Variants in DHCR7 observed in about 807,000 individuals in gnomAD.
DHCR7 encodes the protein 7-DHC reductase.
A neutral mutation model predicts 43.3 loss-of-function variants in DHCR7; 40 were observed. The observed-to-expected ratio is 0.92, with a 90% CI of 0.72 to 1.20. The LOEUF is 1.20. Ranked by LOEUF, DHCR7 falls within the 50% of genes most tolerant of loss-of-function variation. DHCR7 has a pLI of 0.00. For missense variants in DHCR7, 608 were observed against 644.6 expected (o/e 0.94, Z 0.62); for synonymous variants, 298 against 271.4 (o/e 1.10, Z -0.96).
At chr11:71,445,654 C>A (rs1026637338) in intron 2 of DHCR7, among the ~76,000 whole-genome samples, 1 of 152,134 alleles carries the variant, frequency 6.6e-6, no homozygotes, top group Non-Finnish European at 1.5e-5. Context: ...CCATGTAGGA[C>A]CATCAATAAT....
At chr11:71,438,535 C>T (rs1036548183) in intron 7 of DHCR7, among the ~76,000 whole-genome samples, 7 of 152,128 alleles carry the variant, frequency 4.6e-5, no homozygotes, top group African/African-American at 1.7e-4. Context: ...CCCTCTCTCC[C>T]TACAGGGGGT....
At chr11:71,446,077 T>C (rs1949400200) in intron 2 of DHCR7, among the ~76,000 whole-genome samples, 1 of 152,086 alleles carries the variant, frequency 6.6e-6, no homozygotes, top group Non-Finnish European at 1.5e-5. Context: ...AGGACAGCTA[T>C]GCAGCAGGAC....
Position 71,435,614 on chromosome 11 carries a change from A to ACAC in DHCR7, c.1186_1188dup (p.Val396dup). The ACAC allele has an allele frequency of 6.2e-7, 1 of 1,610,144 alleles. No homozygotes were observed. Among genetic ancestry groups the ACAC allele is most frequent in the Non-Finnish European group, 8.5e-7 (1 of 1,179,750 alleles). Reference sequence around the variant, plus strand: ...TGGCGGGCCACGCCCCAGAAGCCCGACACCAGCAGCTTGCTGTGGTGCCTC... The same window carrying ACAC: ...TGGCGGGCCACGCCCCAGAAGCCCGACACCACCAGCAGCTTGCTGTGGTGCCTC... On this transcript the variant is annotated inframe_insertion, in exon 9 of 9. Coordinates refer to ENST00000355527, the MANE Select transcript of DHCR7 (RefSeq NM_001360.3).
chr11:71,431,984 C>T (rs1949230599), downstream of DHCR7, among the ~76,000 whole-genome samples: 2 of 152,150 alleles, frequency 1.3e-5, no homozygotes, highest in Admixed American at 1.3e-4. Flanking sequence ...CCACCATGCC[C>T]AACTAATTTT....
exon 3 of DHCR7, chr11:71,428,719 C>A: frequency 4.8e-6 from 2 of 412,840 alleles, no homozygotes; most frequent in South Asian, 1.7e-5. Context: ...CAGCTCCCTG[C>A]AGTCCTGTCC....
chr11:71,441,237 C>A lies in DHCR7; in HGVS notation c.616G>T (p.Ala206Ser). ...CTGCTAAGAACATACCAGTCTCTGGCGCTGGTGGGGAAGAAGTAGCCCTTG... is the reference window on the plus strand; with the variant it reads ...CTGCTAAGAACATACCAGTCTCTGGAGCTGGTGGGGAAGAAGTAGCCCTTG... ...MVKGYFFPTS[A>S]RDCKFTGNFF... Residue 206 changes from alanine to serine, a missense_variant, in exon 6 of 9, where the codon GCC becomes TCC. By Grantham distance (99) the Ala-to-Ser change is moderately conservative. Coordinates refer to ENST00000355527, the MANE Select transcript of DHCR7 (RefSeq NM_001360.3). 1 of 1,614,152 alleles carries A rather than the reference C, an allele frequency of 6.2e-7. No individual in the cohort carries two copies.
At position 71,441,401 on chromosome 11, in the gene DHCR7, C is replaced by A; in HGVS notation, c.452G>T (p.Trp151Leu). 6.2e-7 allele frequency: 1 copy of A among 1,614,034 alleles called. No homozygotes were observed. Among genetic ancestry groups the A allele is most frequent in the Non-Finnish European group, 8.5e-7 (1 of 1,179,918 alleles). Residue 151 changes from tryptophan to leucine, a missense_variant, in exon 6 of 9, where the codon TGG (tryptophan) becomes TTG (leucine). Transcript: ENST00000355527. ...AAACCAGAGCAGGTGCGTGAGGAGC[C>A]AGGCTTGCAGGCCATTGATCTGATA... ...NKYQINGLQA[W>L]LLTHLLWFAN...
Position 71,435,364 on chromosome 11 carries a change from A to C in DHCR7, c.*11T>G, listed in dbSNP as rs1261841295. 1.9e-6 allele frequency: 3 copies of C among 1,610,682 alleles called. No homozygotes were observed. The highest frequency in any genetic ancestry group is 2.5e-6 in the Non-Finnish European group (3 of 1,179,728). On this transcript the variant is annotated 3_prime_UTR_variant, in exon 9 of 9. Transcript: ENST00000355527. ...TGACAGCCCCACAGGGCTTCTCCCT[A>C]GGGCGTGCCCTTAGAAGATTCCAGG...
At chr11:71,445,036 C>T in intron 2 of DHCR7, 78 bp from the exon 3 acceptor site, 3 of 1,290,692 alleles carry the variant, frequency 2.3e-6, no homozygotes, top group Non-Finnish European at 2.3e-6. Context: ...CACCACTGCT[C>T]CTGGGCCTGG....
chr11:71,436,096 T>C (rs1949277411), intron 8 of DHCR7: 1 of 492,640 alleles, frequency 2.0e-6, no homozygotes, highest in Non-Finnish European at 3.6e-6. Context: ...ATATGACATA[T>C]AGCATAAACA....
At chr11:71,428,632 T>G (rs1949212548) in exon 3 of DHCR7, 1 of 335,230 alleles carries the variant, frequency 3.0e-6, no homozygotes, top group Admixed American at 4.5e-5. Flanking sequence ...TGTGTGGGCA[T>G]AGGACCACCA....
chr11:71,444,727 C>T (rs1427875138), intron 3 of DHCR7, 128 bp downstream of exon 3: 4 of 782,498 alleles, frequency 5.1e-6, no homozygotes, highest in Non-Finnish European at 8.6e-6. Context: ...TTTCATTAGT[C>T]TTGACAAAAA....
In DHCR7 at chr11:71,435,856, A is replaced by G; in HGVS notation, c.964-17T>C. On this transcript the variant is annotated splice_polypyrimidine_tract_variant and intron_variant, in intron 8 of 8. Transcript: ENST00000355527. ...GTACAGACCCTGGGGGGCGAGGGGGAAGGGGTCAAGCGGTGCTTTGCCCAG... is the reference window on the plus strand; with the variant it reads ...GTACAGACCCTGGGGGGCGAGGGGGGAGGGGTCAAGCGGTGCTTTGCCCAG... 1.3e-6 allele frequency: 2 copies of G among 1,588,502 alleles called. No homozygotes were observed. The highest frequency in any genetic ancestry group is 1.7e-6 in the Non-Finnish European group (2 of 1,168,528).
chr11:71,440,472 G>A (rs565126469), intron 6 of DHCR7, among the ~76,000 whole-genome samples: 145 of 151,108 alleles, frequency 9.6e-4, no homozygotes, highest in African/African-American at 3.4e-3. Flanking sequence ...ATGGATGATG[G>A]ATGGGTGGGT....
rs552599578 is a variant in DHCR7 at position 71,444,770 on chromosome 11, C to G, written c.98+85G>C. ...ATCTTTTTTAAAAAGGTCCTTCATT[C>G]CTTTGGGTCCATACAATTCCAAAGG... On this transcript the variant is annotated intron_variant, in intron 3 of 8. Coordinates refer to ENST00000355527, the MANE Select transcript of DHCR7 (RefSeq NM_001360.3). The G allele has an allele frequency of 1.2e-3, 1,464 of 1,223,696 alleles. 5 individuals carry two copies. The highest frequency in any genetic ancestry group is 1.3e-3 in the Non-Finnish European group (1,114 of 828,544). The allele number at this position is 1,223,696 out of a possible 1,614,324, so 75.8% of individuals were successfully genotyped here.
intron 8 of DHCR7, among the ~76,000 whole-genome samples, chr11:71,436,980 T>C (rs1949289068): frequency 6.6e-6 from 1 of 152,228 alleles, no homozygotes; most frequent in South Asian, 2.1e-4. Flanking sequence ...CCAGCAGACC[T>C]GCAGCCAGCC....
chr11:71,441,316 T>C lies in DHCR7; in HGVS notation c.537A>G (p.Pro179=), dbSNP rs1233208384. The C allele has an allele frequency of 9.3e-6, 15 of 1,614,032 alleles. No individual in the cohort carries two copies. The highest frequency in any genetic ancestry group is 1.3e-5 in the African/African-American group (1 of 74,916). The change falls in exon 6 of 9, where the codon CCA becomes CCG. Residue 179 remains proline (P), a synonymous_variant. Coordinates refer to ENST00000355527, the MANE Select transcript of DHCR7 (RefSeq NM_001360.3). ...SPTIIFDNWI[P]LLWCANILGY... ...CAAGGATGTTGGCGCACCACAGCAG[T>C]GGGATCCAGTTGTCGAAGATGATGG...
intron 7 of DHCR7, 84 bp from the exon 8 acceptor site, chr11:71,438,027 G>T: frequency 6.6e-7 from 1 of 1,516,808 alleles, no homozygotes; most frequent in Non-Finnish European, 9.1e-7. Flanking sequence ...CCACGCAGAT[G>T]CAGCAGGGGG....
rs199798127 is a variant in DHCR7 at position 71,444,884 on chromosome 11, G to A, written c.69C>T (p.Thr23=). The A allele has an allele frequency of 1.1e-4, 171 of 1,614,156 alleles. No individual in the cohort carries two copies. The highest frequency in any genetic ancestry group is 1.4e-4 in the Non-Finnish European group (162 of 1,180,030). The part of the protein sequence containing the change: ...KSLDGVTNDR[T]ASQGQWGRAW... ...CACGGCCCCACTGCCCTTGAGATGC[G>A]GTTCTGTCATTGGTGACGCCATCTA... The change falls in exon 3 of 9, where the codon ACC becomes ACT. Residue 23 remains threonine, a synonymous_variant. Transcript: ENST00000355527.
Sources: allele counts gnomAD v4.1 joint callset (sites outside exome capture counted in the v4.1 genomes callset), GRCh38; gene constraint gnomAD v4.1.1; transcripts MANE v1.5; gene names NCBI Gene and HGNC (gene_info 2026-07-23, HGNC 2026-07-21).